Variants in PPARA observed in about 807,000 individuals in gnomAD.
PPARA encodes the protein peroxisome proliferator activated receptor alpha.
PPARA carries 22 observed loss-of-function variants against 42.2 expected under a neutral mutation model. The ratio of observed to expected loss-of-function variants is 0.52; its 90% CI spans 0.37 to 0.74. PPARA has a LOEUF of 0.74. Ranked by LOEUF, PPARA falls within the 30% of genes least tolerant of loss-of-function variation. The pLI is 0.00. For missense variants in PPARA, 465 were observed against 608.2 expected, an observed-to-expected ratio of 0.76 and a Z score of 2.48; for synonymous variants, 242 against 239.3, an observed-to-expected ratio of 1.01 and a Z score of -0.10.
At position 46,204,172 on chromosome 22, in the gene PPARA, A is replaced by G. The variant is rs148105474; in HGVS notation, c.208+5581A>G. 6.6e-6 allele frequency among the ~76,000 whole-genome samples: 1 copy of G among 152,262 alleles called. No homozygotes were observed. Among genetic ancestry groups the G allele is most frequent in the Non-Finnish European group, 1.5e-5 (1 of 68,044 alleles). ...CAGAATGGCTGTGAGACTCATCTGCATTGCAGCAAGCATCAATAGTTCATT... is the reference window on the plus strand; with the variant it reads ...CAGAATGGCTGTGAGACTCATCTGCGTTGCAGCAAGCATCAATAGTTCATT... On this transcript the variant is annotated intron_variant, in intron 4 of 8. Transcript: ENST00000407236. This position sits in a 1 kb window ranked among gnomAD's most constrained non-coding sequence, Gnocchi z 5.2.
rs549423587 is a variant in PPARA, at chr22:46,183,265, T to C, written c.-43+6429T>C. Among the ~76,000 whole-genome samples, 1 of 152,340 alleles carries C rather than the reference T, an allele frequency of 6.6e-6. No individual in the cohort carries two copies. The highest frequency in any genetic ancestry group is 1.9e-4 in the East Asian group (1 of 5,186). On this transcript the variant is annotated intron_variant, in intron 3 of 8. Transcript: ENST00000407236. The surrounding 1 kb of genome is among the most constrained non-coding windows in gnomAD (Gnocchi z 5.5). ...AGCAAGAGTTCAGGTAATCCTCACA[T>C]TGCAATTTGTCATTAGTTTAAACTT...
chr22:46,191,769 T>C lies in PPARA; in HGVS notation c.-42-6573T>C, dbSNP rs1440592177. Among the ~76,000 whole-genome samples the C allele has an allele frequency of 6.6e-6, 1 of 152,088 alleles. No individual in the cohort carries two copies. On this transcript the variant is annotated intron_variant, in intron 3 of 8. Coordinates refer to ENST00000407236, the MANE Select transcript of PPARA (RefSeq NM_005036.6). The surrounding 1 kb of genome is among the most constrained non-coding windows in gnomAD (Gnocchi z 4.6). Reference sequence around the variant, plus strand: ...CCAAGAGCTCCTTCTGTGCAGATCGTTAGAAATAGATATTGAGGCCAGGCG... The same window carrying C: ...CCAAGAGCTCCTTCTGTGCAGATCGCTAGAAATAGATATTGAGGCCAGGCG...
chr22:46,214,872 T>A (rs917060503), intron 4 of PPARA, among the ~76,000 whole-genome samples: 1 of 146,564 alleles, frequency 6.8e-6, no homozygotes, highest in South Asian at 2.2e-4. Flanking sequence ...GGCCCGGAGA[T>A]ATGCGGGGCG....
intron 2 of PPARA, among the ~76,000 whole-genome samples, chr22:46,174,986 A>G (rs1359966916): frequency 1.3e-5 from 2 of 151,302 alleles, no homozygotes; most frequent in Non-Finnish European, 2.9e-5. Flanking sequence ...ATCTCAGGTG[A>G]CTGCAACCTC....
intron 3 of PPARA, among the ~76,000 whole-genome samples, chr22:46,177,764 T>A (rs989842450): frequency 4.0e-5 from 6 of 150,670 alleles, no homozygotes; most frequent in African/African-American, 1.5e-4. Flanking sequence ...CGTGTACCTG[T>A]TGAGACAGGT....
At chr22:46,177,212 AAAAATAAAAT>A (rs4253673) in intron 3 of PPARA, among the ~76,000 whole-genome samples, 3 of 151,790 alleles carry the variant, frequency 2.0e-5, no homozygotes, top group Admixed American at 6.6e-5. Flanking sequence ...CCCTGTCTCA[AAAAATAAAAT>A]AAAATAAAAT....
At chr22:46,174,776 T>G (rs1928761478) in intron 2 of PPARA, among the ~76,000 whole-genome samples, 1 of 152,036 alleles carries the variant, frequency 6.6e-6, no homozygotes, top group African/African-American at 2.4e-5. Flanking sequence ...ATGATCACAC[T>G]AAAGCACTCT....
chr22:46,205,535 TATATATATATATATATATA>T (rs1249481438), intron 4 of PPARA, among the ~76,000 whole-genome samples: 58 of 33,804 alleles, frequency 1.7e-3, no homozygotes, highest in Non-Finnish European at 2.4e-3. Flanking sequence ...TATATATATA[TATATATATATATATATATA>T]TTTTTTTTTT....
rs57216546 is a variant in PPARA, at chr22:46,160,661, T to C, written c.-127+8691T>C. 0.018 allele frequency among the ~76,000 whole-genome samples: 2,730 copies of C among 152,254 alleles called. 80 individuals carry two copies. The highest frequency in any genetic ancestry group is 0.062 in the African/African-American group (2,586 of 41,526). ...CTGTCACCAGGCTGGAGTGCAGTGG[T>C]GTGATCTCAGCTCACTGCAACCTCC... On this transcript the variant is annotated intron_variant, in intron 2 of 8. Coordinates refer to ENST00000407236, the MANE Select transcript of PPARA (RefSeq NM_005036.6). This position sits in a 1 kb window ranked among gnomAD's most constrained non-coding sequence, Gnocchi z 4.5.
At chr22:46,170,204 C>T (rs1343636570) in intron 2 of PPARA, among the ~76,000 whole-genome samples, 1 of 150,964 alleles carries the variant, frequency 6.6e-6, no homozygotes, top group Non-Finnish European at 1.5e-5. Flanking sequence ...AGGTCCATTA[C>T]TTAAAATGAT....
At chr22:46,214,771 G>A (rs942992938) in intron 4 of PPARA, among the ~76,000 whole-genome samples, 1 of 151,454 alleles carries the variant, frequency 6.6e-6, no homozygotes, top group African/African-American at 2.4e-5. Context: ...GGAGATGCGC[G>A]GGGCGGAGAT....
chr22:46,242,016 T>A lies in PPARA; in HGVS notation c.*6636T>A, dbSNP rs1936385680. The stretch of plus-strand genomic sequence containing the variant: ...GTCAGCTTTTATTTTATTTTATTTT[T>A]TTTAAGTTTGCTAGTTGGGTCAAAT... On this transcript the variant is annotated 3_prime_UTR_variant, in exon 9 of 9. Transcript: ENST00000407236. This position sits in a 1 kb window ranked among gnomAD's most constrained non-coding sequence, Gnocchi z 6.1. 6.6e-6 allele frequency: 1 copy of A among 152,106 alleles called. No homozygotes were observed. Among genetic ancestry groups the A allele is most frequent in the Non-Finnish European group, 1.5e-5 (1 of 68,004 alleles). The allele number at this position is 152,106 out of a possible 1,614,324, so 9.4% of individuals were successfully genotyped here. A position where few individuals can be genotyped will look rare whatever the true frequency, so the allele number is the denominator to read the frequency against.
intron 2 of PPARA, chr22:46,155,299 A>G (rs997688304): frequency 1.3e-5 from 2 of 152,020 alleles, no homozygotes; most frequent in African/African-American, 2.4e-5. Context: ...GTAGCCTGGC[A>G]TAGAGTCCAT....
chr22:46,201,671 C>A (rs776780725), intron 4 of PPARA, among the ~76,000 whole-genome samples: 6 of 152,114 alleles, frequency 3.9e-5, no homozygotes, highest in Non-Finnish European at 8.8e-5. Flanking sequence ...CCAGAGCAGC[C>A]TTGTGAGGTC....
chr22:46,174,721 GT>G (rs1417798562), intron 2 of PPARA, among the ~76,000 whole-genome samples: 2 of 152,056 alleles, frequency 1.3e-5, no homozygotes, highest in Non-Finnish European at 2.9e-5. Context: ...GGAGGCTGAG[GT>G]AGGAGGATTG....
chr22:46,176,972 G>GA (rs1157221305), intron 3 of PPARA, 136 bp downstream of exon 3: 3 of 152,228 alleles, frequency 2.0e-5, no homozygotes, highest in Non-Finnish European at 2.9e-5. Context: ...GGACTTTGGG[G>GA]GGCCAAGGCG....
chr22:46,242,918 C>T lies in PPARA; in HGVS notation c.*7538C>T, dbSNP rs182701954. On this transcript the variant is annotated 3_prime_UTR_variant, in exon 9 of 9. Transcript: ENST00000407236. The surrounding 1 kb of genome is among the most constrained non-coding windows in gnomAD (Gnocchi z 6.1). ...CGTATTAGAGGCCACCGATTTCATA[C>T]AACAGTGTTTCGCTAAAGACCCTTC... is the stretch of plus-strand genomic sequence containing the variant. 1 of 152,814 alleles carries T rather than the reference C, an allele frequency of 6.5e-6. No homozygotes were observed. Among genetic ancestry groups the T allele is most frequent in the African/African-American group, 2.4e-5 (1 of 41,588 alleles). The allele number at this position is 152,814 out of a possible 1,614,324, so 9.5% of individuals were successfully genotyped here.
rs1031458885 is a variant in PPARA at position 46,234,313 on chromosome 22, T to C, written c.1160-820T>C. Among the ~76,000 whole-genome samples, 6 of 152,266 alleles carry C rather than the reference T, an allele frequency of 3.9e-5. No individual in the cohort carries two copies. In the East Asian group the frequency reaches 1.2e-3, roughly 29 times the overall value. ...TAATTACATTTACAACCAAAAACAATGAAGATGTTTAAATCCTCATCACTA... is the reference window on the plus strand; with the variant it reads ...TAATTACATTTACAACCAAAAACAACGAAGATGTTTAAATCCTCATCACTA... On this transcript the variant is annotated intron_variant, in intron 8 of 8. Transcript: ENST00000407236. The surrounding 1 kb of genome is among the most constrained non-coding windows in gnomAD (Gnocchi z 5.8).
At position 46,225,776 on chromosome 22, in the gene PPARA, TAA is replaced by T. The variant is rs141108968; in HGVS notation, c.711+5764_711+5765del. Among the ~76,000 whole-genome samples, 45,518 of 148,842 alleles carry T rather than the reference TAA, an allele frequency of 0.31. 10,492 individuals are homozygous for T. The highest frequency in any genetic ancestry group is 0.66 in the African/African-American group (26,460 of 40,196). On this transcript the variant is annotated intron_variant, in intron 7 of 8. Transcript: ENST00000407236. The surrounding 1 kb of genome is among the most constrained non-coding windows in gnomAD (Gnocchi z 4.1). ...ACTCACACATCCATGCATGCACGTGTAAACACACACACCCCCACACATACACG... is the reference window on the plus strand; with the variant it reads ...ACTCACACATCCATGCATGCACGTGTACACACACACCCCCACACATACACG...
Sources: allele counts gnomAD v4.1 joint callset (sites outside exome capture counted in the v4.1 genomes callset), GRCh38; gene constraint gnomAD v4.1.1; non-coding constraint Gnocchi (gnomAD v3.1); transcripts MANE v1.5; gene names NCBI Gene and HGNC (gene_info 2026-07-23, HGNC 2026-07-21).